ZNF678: variants seen among roughly 807,000 people sequenced by gnomAD.
ZNF678 encodes hypothetical protein MGC42493.
A neutral mutation model predicts 3.0 loss-of-function variants in ZNF678; 5 were observed. The ratio of observed to expected loss-of-function variants is 1.69; its 90% CI spans 0.88 to 3.56. The LOEUF is 3.56. Among genes scored for constraint, ZNF678 ranks in the 30% most tolerant of loss-of-function variants. ZNF678 has a pLI of 0.00. For missense variants in ZNF678, 593 were observed against 605.0 expected (o/e 0.98, Z 0.21); for synonymous variants, 218 against 199.6 (o/e 1.09, Z -0.78).
intron 1 of ZNF678, among the ~76,000 whole-genome samples, chr1:227,626,873 G>A (rs1449205976): frequency 1.3e-5 from 2 of 151,754 alleles, no homozygotes; most frequent in African/African-American, 4.8e-5. Context: ...TAAGCCTTGG[G>A]GAAGTCCAAA....
intron 1 of ZNF678, among the ~76,000 whole-genome samples, chr1:227,581,662 G>A (rs143632706): frequency 3.9e-5 from 6 of 152,152 alleles, no homozygotes; most frequent in African/African-American, 1.4e-4. Flanking sequence ...AACTTGTATT[G>A]TTGATAAAAT....
chr1:227,645,632 T>C (rs959044941), intron 1 of ZNF678, among the ~76,000 whole-genome samples: 10 of 152,168 alleles, frequency 6.6e-5, no homozygotes, highest in African/African-American at 2.2e-4. Context: ...AAGATTCCCA[T>C]TGGAGATGGA....
intron 1 of ZNF678, among the ~76,000 whole-genome samples, chr1:227,620,460 G>A (rs1558145660): frequency 6.6e-6 from 1 of 152,194 alleles, no homozygotes; most frequent in Non-Finnish European, 1.5e-5. Flanking sequence ...CACTGCTTAA[G>A]GGACTTGCGT....
intron 1 of ZNF678, among the ~76,000 whole-genome samples, chr1:227,578,413 A>G (rs1657041015): frequency 1.3e-5 from 2 of 152,126 alleles, no homozygotes; most frequent in African/African-American, 4.8e-5. Context: ...AACATGATAT[A>G]TCTTGGATGT....
chr1:227,570,369 C>T (rs989768517), intron 1 of ZNF678, among the ~76,000 whole-genome samples: 4 of 152,216 alleles, frequency 2.6e-5, no homozygotes, highest in African/African-American at 9.7e-5. Flanking sequence ...TTTTCTGTTA[C>T]TATGAAAAGT....
chr1:227,655,605 A>G lies in ZNF678; in HGVS notation c.1355A>G (p.Lys452Arg), dbSNP rs1659223389. 1.2e-6 allele frequency: 2 copies of G among 1,612,236 alleles called. No homozygotes were observed. Among genetic ancestry groups the G allele is most frequent in the Non-Finnish European group, 1.7e-6 (2 of 1,179,174 alleles). ...FYQSSILSKH[K>R]RIHTEEKPYK... ...CAATCCTCAATCCTTAGTAAGCATA[A>G]GAGAATTCATACTGAAGAGAAACCC... The change falls in exon 4 of 4, where the codon AAG becomes AGG. Residue 452 changes from lysine (K) to arginine (R), a missense_variant. Coordinates refer to ENST00000343776, the MANE Select transcript of ZNF678 (RefSeq NM_001367909.1).
intron 1 of ZNF678, among the ~76,000 whole-genome samples, chr1:227,600,439 CGTTTT>C (rs1044355313): frequency 2.0e-5 from 3 of 152,014 alleles, no homozygotes; most frequent in East Asian, 1.9e-4. Flanking sequence ...AGTGTATAAG[CGTTTT>C]GTTTTGTTTT....
intron 1 of ZNF678, among the ~76,000 whole-genome samples, chr1:227,579,578 G>A (rs1175155187): frequency 6.6e-6 from 1 of 152,144 alleles, no homozygotes; most frequent in Non-Finnish European, 1.5e-5. Context: ...ATGGCCCTGG[G>A]GGAAGCTGCA....
intron 1 of ZNF678, among the ~76,000 whole-genome samples, chr1:227,581,748 G>T (rs964828269): frequency 1.3e-5 from 2 of 152,128 alleles, no homozygotes; most frequent in African/African-American, 4.8e-5. Flanking sequence ...TGTTGCCAAG[G>T]TAGTCACATT....
intron 1 of ZNF678, among the ~76,000 whole-genome samples, chr1:227,576,307 G>A (rs1038845050): frequency 1.3e-5 from 2 of 152,200 alleles, no homozygotes; most frequent in African/African-American, 4.8e-5. Context: ...GCTTTTGGAA[G>A]AGTTTCAGCA....
chr1:227,641,437 GCAGATGA>G (rs1658818252), intron 1 of ZNF678, among the ~76,000 whole-genome samples: 1 of 151,992 alleles, frequency 6.6e-6, no homozygotes, highest in Non-Finnish European at 1.5e-5. Flanking sequence ...CAGTCTCTTA[GCAGATGA>G]CGTGATATAT....
chr1:227,600,924 CTT>C (rs1302774351), intron 1 of ZNF678, among the ~76,000 whole-genome samples: 2 of 152,084 alleles, frequency 1.3e-5, no homozygotes, highest in Non-Finnish European at 2.9e-5. Flanking sequence ...ACATTTTAGT[CTT>C]TGATTCATCT....
chr1:227,601,698 G>A (rs1247868140), intron 1 of ZNF678, among the ~76,000 whole-genome samples: 5 of 152,064 alleles, frequency 3.3e-5, no homozygotes, highest in African/African-American at 4.8e-5. Context: ...CCGAGTAGCT[G>A]GGATTACAGG....
At chr1:227,628,674 T>G (rs1658476474) in intron 1 of ZNF678, among the ~76,000 whole-genome samples, 1 of 152,258 alleles carries the variant, frequency 6.6e-6, no homozygotes, top group Non-Finnish European at 1.5e-5. Context: ...GGAAACCTTG[T>G]AGCCACAGGT....
chr1:227,589,977 A>G (rs1236977461), intron 1 of ZNF678, among the ~76,000 whole-genome samples: 1 of 151,578 alleles, frequency 6.6e-6, no homozygotes, highest in East Asian at 1.9e-4. Flanking sequence ...TATCTTTACC[A>G]TCTGTGTCTC....
chr1:227,597,178 G>A lies in ZNF678; in HGVS notation c.-164+33454G>A, dbSNP rs1469096422. ...TTCCTTATTGGAAACAAAGGGGTGG[G>A]CCAAAATGGATGGGTTTGGCTAGTT... On this transcript the variant is annotated intron_variant, in intron 1 of 3. Transcript: ENST00000343776. Among the ~76,000 whole-genome samples the A allele has an allele frequency of 2.0e-5, 3 of 152,198 alleles. No individual in the cohort carries two copies. In the East Asian group the frequency reaches 5.8e-4, roughly 29 times the overall value.
chr1:227,664,128 A>G (rs919294846), downstream of ZNF678, among the ~76,000 whole-genome samples: 8 of 152,092 alleles, frequency 5.3e-5, no homozygotes, highest in Admixed American at 4.6e-4. Flanking sequence ...TTGAGCCATG[A>G]TTACACCACT....
Position 227,660,613 on chromosome 1 carries a change from T to C in ZNF678, c.*4785T>C, listed in dbSNP as rs957717624. The C allele has an allele frequency of 1.3e-5, 2 of 152,166 alleles. No homozygotes were observed. Among genetic ancestry groups the C allele is most frequent in the African/African-American group, 4.8e-5 (2 of 41,458 alleles). 9.4% of individuals were successfully genotyped at this position (152,166 alleles called of 1,614,324 possible). On this transcript the variant is annotated 3_prime_UTR_variant, in exon 4 of 4. Transcript: ENST00000343776. ...AACTTTAGTGAATTTATTCTAAGTA[T>C]TTTTAAAGTTTTCTATTTATAAGAC...
intron 5 of ZNF678, among the ~76,000 whole-genome samples, chr1:227,673,814 C>T (rs1219330000): frequency 6.6e-6 from 1 of 152,120 alleles, no homozygotes; most frequent in Non-Finnish European, 1.5e-5. Flanking sequence ...TCCAGTTTTT[C>T]AAAAATTTGA....
Sources: allele counts gnomAD v4.1 joint callset (sites outside exome capture counted in the v4.1 genomes callset), GRCh38; gene constraint gnomAD v4.1.1; transcripts MANE v1.5; gene names NCBI Gene and HGNC (gene_info 2026-07-23, HGNC 2026-07-21).